The following MYO5A variants were observed in gnomAD, a reference collection of about 807,000 sequenced individuals.
The protein encoded by MYO5A is unconventional myosin-Va.
In MYO5A, 98 loss-of-function variants were observed where a neutral mutation model predicts 249.7. The observed-to-expected ratio is 0.39, with a 90% CI of 0.33 to 0.46. The LOEUF is 0.46. Among genes scored for constraint, MYO5A ranks in the 20% least tolerant of loss-of-function variants. The pLI is 0.98. For missense variants in MYO5A, 1,696 were observed against 2,308.8 expected (o/e 0.73, Z 5.44); for synonymous variants, 778 against 810.6 (o/e 0.96, Z 0.68).
In MYO5A at chr15:52,425,987, T is replaced by A; in HGVS notation, c.311-13A>T. The stretch of plus-strand genomic sequence containing the variant: ...ACTAGGACTATACCTGGGAATAGGG[T>A]AGGGGACAAGAAAGAAAAAGAAGTC... On this transcript the variant is annotated splice_polypyrimidine_tract_variant and intron_variant, in intron 3 of 41. Coordinates refer to ENST00000399233, the MANE Select transcript of MYO5A (RefSeq NM_001382347.1). 6.2e-7 allele frequency: 1 copy of A among 1,610,862 alleles called. No individual in the cohort carries two copies. Among genetic ancestry groups the A allele is most frequent in the Non-Finnish European group, 8.5e-7 (1 of 1,177,406 alleles).
Position 52,397,356 on chromosome 15 carries a change from G to C in MYO5A, c.1164C>G (p.Ile388Met). ...TGGCCTGCAGCTTGGAGATGGGCTTGATGTATGTCTCTGTGGCAGTAGCCA... is the reference window on the plus strand; with the variant it reads ...TGGCCTGCAGCTTGGAGATGGGCTTCATGTATGTCTCTGTGGCAGTAGCCA... ...RKLATATETY[I>M]KPISKLQATN... Residue 388 changes from isoleucine (I) to methionine (M), a missense_variant, in exon 10 of 42, where the codon ATC (isoleucine) becomes ATG (methionine). Coordinates refer to ENST00000399233, the MANE Select transcript of MYO5A (RefSeq NM_001382347.1). 2 of 1,614,122 alleles carry C rather than the reference G, an allele frequency of 1.2e-6. No individual in the cohort carries two copies. Among genetic ancestry groups the C allele is most frequent in the Non-Finnish European group, 1.7e-6 (2 of 1,180,000 alleles).
At chr15:52,445,157 G>C (rs2075862344) in intron 1 of MYO5A, among the ~76,000 whole-genome samples, 1 of 152,154 alleles carries the variant, frequency 6.6e-6, no homozygotes, top group Admixed American at 6.5e-5. Context: ...CCTGGTGGGA[G>C]GTATTTGAAT....
chr15:52,352,455 T>C (rs754421587), intron 27 of MYO5A, among the ~76,000 whole-genome samples: 3 of 152,242 alleles, frequency 2.0e-5, no homozygotes, highest in Non-Finnish European at 4.4e-5. Flanking sequence ...CTTAGGTTTG[T>C]AGCACTATAT....
intron 1 of MYO5A, among the ~76,000 whole-genome samples, chr15:52,454,193 C>CA (rs1302818540): frequency 6.6e-6 from 1 of 151,510 alleles, no homozygotes; most frequent in Non-Finnish European, 1.5e-5. Flanking sequence ...ATGTGGAAAC[C>CA]AAAAAAGAGT....
intron 5 of MYO5A, among the ~76,000 whole-genome samples, chr15:52,412,174 T>C (rs1255403548): frequency 6.6e-6 from 1 of 152,214 alleles, no homozygotes; most frequent in African/African-American, 2.4e-5. Flanking sequence ...TATTAGTAAC[T>C]GTCCTAAGCA....
At chr15:52,377,574 C>CG (rs2041485422) in intron 18 of MYO5A, among the ~76,000 whole-genome samples, 3 of 139,896 alleles carry the variant, frequency 2.1e-5, no homozygotes. Context: ...ACCTGGAATT[C>CG]TTTTTTTTTT....
At chr15:52,373,921 C>A (rs1210421200) in intron 20 of MYO5A, among the ~76,000 whole-genome samples, 1 of 151,270 alleles carries the variant, frequency 6.6e-6, no homozygotes, top group Non-Finnish European at 1.5e-5. Context: ...TCACCAGTTT[C>A]GAATTTTTTG....
At chr15:52,366,368 T>C (rs1009054120) in intron 23 of MYO5A, among the ~76,000 whole-genome samples, 4 of 152,214 alleles carry the variant, frequency 2.6e-5, no homozygotes, top group African/African-American at 9.6e-5. Context: ...TATGAAAATG[T>C]ATTATTTTCA....
At chr15:52,516,024 T>A (rs939082366) in intron 1 of MYO5A, among the ~76,000 whole-genome samples, 1 of 152,214 alleles carries the variant, frequency 6.6e-6, no homozygotes, top group Non-Finnish European at 1.5e-5. Flanking sequence ...CATTTCTTAA[T>A]ATATTATAAG....
chr15:52,331,892 A>G (rs1165212773), intron 34 of MYO5A: 2 of 983,622 alleles, frequency 2.0e-6, no homozygotes, highest in African/African-American at 3.5e-5. Context: ...ATCTCCCATA[A>G]TCTAGTTTTT....
intron 28 of MYO5A, among the ~76,000 whole-genome samples, chr15:52,350,078 G>T (rs186133548): frequency 6.6e-6 from 1 of 152,168 alleles, no homozygotes; most frequent in African/African-American, 2.4e-5. Context: ...GACTACAGGC[G>T]CCTGCCACCA....
chr15:52,436,217 A>G (rs1034049876), intron 1 of MYO5A, among the ~76,000 whole-genome samples: 3 of 152,232 alleles, frequency 2.0e-5, no homozygotes, highest in African/African-American at 7.2e-5. Flanking sequence ...GGCGTGAGCC[A>G]CCACACCTGG....
rs1400648686 is a variant in MYO5A, at chr15:52,312,658, G to A, written c.*1038C>T. 2.0e-5 allele frequency: 3 copies of A among 152,168 alleles called. No individual in the cohort carries two copies. The highest frequency in any genetic ancestry group is 2.9e-5 in the Non-Finnish European group (2 of 68,058). The allele number at this position is 152,168 out of a possible 1,614,324, so 9.4% of individuals were successfully genotyped here. ...CAGGCGTGAGCCACCGCGCCCAGCC[G>A]AGATTAATTCTTAATAAATTAAGAA... On this transcript the variant is annotated 3_prime_UTR_variant, in exon 42 of 42. Coordinates refer to ENST00000399233, the MANE Select transcript of MYO5A (RefSeq NM_001382347.1).
At chr15:52,361,236 C>A (rs954838043) in intron 24 of MYO5A, among the ~76,000 whole-genome samples, 11 of 152,192 alleles carry the variant, frequency 7.2e-5, no homozygotes, top group Non-Finnish European at 1.6e-4. Flanking sequence ...TGTTTACAGA[C>A]ACAGGCACTC....
At chr15:52,494,712 C>T (rs2077003185) in intron 1 of MYO5A, among the ~76,000 whole-genome samples, 3 of 152,072 alleles carry the variant, frequency 2.0e-5, no homozygotes, top group African/African-American at 4.8e-5. Context: ...AGCCTAGTCT[C>T]GAACTCCTGA....
At position 52,348,811 on chromosome 15, in the gene MYO5A, T is replaced by TA; in HGVS notation, c.3858+6dup. On this transcript the variant is annotated splice_region_variant and intron_variant, in intron 29 of 41. Transcript: ENST00000399233. ...TATTTACTAAAAAAAAAAAAAGGTA[T>TA]AATTACCTTGTCATCCTGAGAATCA... 6.5e-7 allele frequency: 1 copy of TA among 1,533,884 alleles called. No individual in the cohort carries two copies. Among genetic ancestry groups the TA allele is most frequent in the Non-Finnish European group, 8.8e-7 (1 of 1,136,572 alleles).
At chr15:52,490,589 G>A (rs144098383) in intron 1 of MYO5A, among the ~76,000 whole-genome samples, 156 of 152,346 alleles carry the variant, frequency 1.0e-3, no homozygotes, top group Non-Finnish European at 1.9e-3. Flanking sequence ...GATTCATAGG[G>A]AGAGAAAGTA....
intron 31 of MYO5A, among the ~76,000 whole-genome samples, chr15:52,340,982 G>A (rs1196857728): frequency 2.0e-5 from 3 of 147,894 alleles, no homozygotes; most frequent in Admixed American, 1.3e-4. Context: ...CATAGGAAAT[G>A]AGGATGTAAA....
chr15:52,469,569 G>A (rs2076417347), intron 1 of MYO5A, among the ~76,000 whole-genome samples: 1 of 152,144 alleles, frequency 6.6e-6, no homozygotes, highest in Non-Finnish European at 1.5e-5. Flanking sequence ...GGAGGCAGGA[G>A]AAACAGGCAC....
Sources: allele counts gnomAD v4.1 joint callset (sites outside exome capture counted in the v4.1 genomes callset), GRCh38; gene constraint gnomAD v4.1.1; transcripts MANE v1.5; gene names NCBI Gene and HGNC (gene_info 2026-07-23, HGNC 2026-07-21).